The following IRF2 variants were observed in gnomAD, a reference collection of about 807,000 sequenced individuals.
The protein encoded by IRF2 is interferon regulatory factor 2.
IRF2 carries 15 observed loss-of-function variants against 40.6 expected under a neutral mutation model. That is an observed-to-expected ratio of 0.37 (90% CI 0.25 to 0.57). The LOEUF (loss-of-function observed/expected upper bound fraction) is 0.57, where lower values mean the gene tolerates loss of function less well. Among genes scored for constraint, IRF2 ranks in the 20% least tolerant of loss-of-function variants. The probability of loss-of-function intolerance (pLI) is 0.77; values close to 1 mark genes in which losing one functional copy is unlikely to be tolerated. For missense variants in IRF2, 317 were observed against 455.7 expected (o/e 0.70, Z 2.77); for synonymous variants, 151 against 165.5 (o/e 0.91, Z 0.67).
chr4:184,464,015 G>A (rs1393119666), intron 1 of IRF2, among the ~76,000 whole-genome samples: 1 of 152,192 alleles, frequency 6.6e-6, no homozygotes, highest in East Asian at 1.9e-4. Context: ...CGAAGATAGG[G>A]AATGCATATG....
At chr4:184,393,638 T>C (rs1296511040) in intron 7 of IRF2, among the ~76,000 whole-genome samples, 1 of 152,212 alleles carries the variant, frequency 6.6e-6, no homozygotes, top group Non-Finnish European at 1.5e-5. Context: ...AAGATACACA[T>C]GCTCCGAACT....
At chr4:184,416,345 G>GAAA (rs143280573) in intron 5 of IRF2, among the ~76,000 whole-genome samples, 2 of 94,430 alleles carry the variant, frequency 2.1e-5, no homozygotes, top group African/African-American at 4.0e-5. Flanking sequence ...AAAAAAAAAC[G>GAAA]AAAAAAAAAA....
chr4:184,464,040 A>G (rs1006757700), intron 1 of IRF2, among the ~76,000 whole-genome samples: 3 of 152,312 alleles, frequency 2.0e-5, no homozygotes, highest in Middle Eastern at 3.4e-3. Context: ...GAAGATAGGG[A>G]CCGTTTATGA....
intron 1 of IRF2, among the ~76,000 whole-genome samples, chr4:184,445,102 C>T (rs1425383966): frequency 1.3e-5 from 2 of 152,230 alleles, no homozygotes; most frequent in Non-Finnish European, 2.9e-5. Context: ...CAGAGTTCCC[C>T]GTTCACTCAC....
intron 3 of IRF2, 92 bp from the exon 4 acceptor site, chr4:184,418,800 T>A: frequency 9.0e-7 from 1 of 1,112,736 alleles, no homozygotes; most frequent in Non-Finnish European, 1.3e-6. Flanking sequence ...GGTCAGGCAG[T>A]ATAAGGAAAC....
At chr4:184,422,943 C>T (rs1046498466) in intron 2 of IRF2, among the ~76,000 whole-genome samples, 2 of 152,146 alleles carry the variant, frequency 1.3e-5, no homozygotes, top group African/African-American at 4.8e-5. Flanking sequence ...TTTTAAACTA[C>T]ATGTCACCTT....
intron 1 of IRF2, among the ~76,000 whole-genome samples, chr4:184,437,065 G>C (rs1261615128): frequency 1.3e-5 from 2 of 151,780 alleles, no homozygotes; most frequent in Non-Finnish European, 2.9e-5. Context: ...TTTGTTTTTC[G>C]GGTTTTTTGA....
intron 5 of IRF2, among the ~76,000 whole-genome samples, chr4:184,411,458 CTG>C (rs1229201151): frequency 6.6e-6 from 1 of 152,124 alleles, no homozygotes; most frequent in Non-Finnish European, 1.5e-5. Flanking sequence ...ATTCCAAACA[CTG>C]TGTTACTCCC....
chr4:184,436,806 G>A (rs935091336), intron 1 of IRF2, among the ~76,000 whole-genome samples: 3 of 152,210 alleles, frequency 2.0e-5, no homozygotes, highest in African/African-American at 7.2e-5. Flanking sequence ...TGTGTGAGAA[G>A]CAAGCACTGG....
intron 2 of IRF2, among the ~76,000 whole-genome samples, chr4:184,422,021 C>T (rs996769142): frequency 6.6e-6 from 1 of 152,144 alleles, no homozygotes; most frequent in Non-Finnish European, 1.5e-5. Flanking sequence ...ACTCCATTAG[C>T]TCCGGTGAGA....
chr4:184,393,660 C>T (rs1415576406), intron 7 of IRF2, among the ~76,000 whole-genome samples: 1 of 152,224 alleles, frequency 6.6e-6, no homozygotes, highest in Non-Finnish European at 1.5e-5. Context: ...ATGTTTTCAG[C>T]TGACACAAAT....
At chr4:184,470,989 T>C (rs1361881197) in intron 1 of IRF2, among the ~76,000 whole-genome samples, 2 of 141,044 alleles carry the variant, frequency 1.4e-5, no homozygotes, top group Non-Finnish European at 3.2e-5. Flanking sequence ...TTTGATACTT[T>C]ATATAAAAGT....
rs1736112738 is a variant in IRF2 at position 184,387,830 on chromosome 4, A to T, written c.*928T>A. The stretch of plus-strand genomic sequence containing the variant: ...TTCACCTTTACAAAATTAAAAAAAA[A>T]AATGTGCCACAAGGATGTAATAACA... On this transcript the variant is annotated 3_prime_UTR_variant, in exon 9 of 9. Transcript: ENST00000393593. The T allele has an allele frequency of 6.6e-6, 1 of 152,598 alleles. No homozygotes were observed. The highest frequency in any genetic ancestry group is 1.5e-5 in the Non-Finnish European group (1 of 68,030). 9.5% of individuals were successfully genotyped at this position (152,598 alleles called of 1,614,324 possible).
At chr4:184,460,620 AAC>A (rs886705161) in intron 1 of IRF2, among the ~76,000 whole-genome samples, 1 of 150,940 alleles carries the variant, frequency 6.6e-6, no homozygotes, top group Admixed American at 6.6e-5. Flanking sequence ...ACTATAGCCA[AAC>A]ACACACACAC....
At chr4:184,470,936 G>C (rs1207527805) in intron 1 of IRF2, among the ~76,000 whole-genome samples, 1 of 152,068 alleles carries the variant, frequency 6.6e-6, no homozygotes, top group Non-Finnish European at 1.5e-5. Flanking sequence ...CCTTCTGACA[G>C]GAAAAAATTC....
At chr4:184,390,342 T>C (rs1251281712) in intron 8 of IRF2, among the ~76,000 whole-genome samples, 1 of 152,212 alleles carries the variant, frequency 6.6e-6, no homozygotes, top group East Asian at 1.9e-4. Context: ...TGACGTGTAC[T>C]GGTCACTGCT....
intron 2 of IRF2, among the ~76,000 whole-genome samples, chr4:184,426,354 C>T (rs1561104264): frequency 6.6e-6 from 1 of 152,206 alleles, no homozygotes; most frequent in Admixed American, 6.5e-5. Context: ...AAGGATCCTT[C>T]CTCGCCTCTT....
At chr4:184,400,947 G>A (rs995271098) in intron 6 of IRF2, among the ~76,000 whole-genome samples, 11 of 152,162 alleles carry the variant, frequency 7.2e-5, no homozygotes, top group African/African-American at 1.2e-4. Context: ...CATCATCAAC[G>A]TTTTACTCAT....
intron 8 of IRF2, 65 bp from the exon 9 acceptor site, chr4:184,389,131 C>T: frequency 4.7e-6 from 7 of 1,498,848 alleles, no homozygotes; most frequent in Non-Finnish European, 6.5e-6. Flanking sequence ...TTTAAAAATG[C>T]ATCACTGGCC....
Sources: gnomAD v4.1 joint callset for allele counts (sites outside exome capture counted in the v4.1 genomes callset) on GRCh38, gnomAD v4.1.1 for gene constraint, MANE v1.5 for transcripts, NCBI Gene and HGNC (gene_info 2026-07-23, HGNC 2026-07-21) for gene names.